The following AS3MT variants were observed in gnomAD, a reference collection of about 807,000 sequenced individuals.
The protein encoded by AS3MT is arsenite methyltransferase.
A neutral mutation model predicts 45.3 loss-of-function variants in AS3MT; 47 were observed. The ratio of observed to expected loss-of-function variants is 1.04; its 90% CI spans 0.82 to 1.32. The LOEUF (loss-of-function observed/expected upper bound fraction) is 1.32. Ranked by LOEUF, AS3MT falls within the 40% of genes most tolerant of loss-of-function variation. AS3MT has a pLI of 0.00. For missense variants in AS3MT, 396 were observed against 451.1 expected, an observed-to-expected ratio of 0.88 and a Z score of 1.11; for synonymous variants, 141 against 152.8, an observed-to-expected ratio of 0.92 and a Z score of 0.57.
intron 10 of AS3MT, among the ~76,000 whole-genome samples, chr10:102,897,860 G>C (rs939718174): frequency 6.6e-6 from 1 of 152,202 alleles, no homozygotes; most frequent in African/African-American, 2.4e-5. Flanking sequence ...CTCCCTCCCA[G>C]TGTGCGTGCA....
chr10:102,897,042 G>A (rs1409161889), intron 10 of AS3MT, among the ~76,000 whole-genome samples: 1 of 151,980 alleles, frequency 6.6e-6, no homozygotes, highest in Non-Finnish European at 1.5e-5. Context: ...ATTTTAAAAG[G>A]CTTTTATCAT....
intron 6 of AS3MT, among the ~76,000 whole-genome samples, chr10:102,876,602 A>C (rs771118709): frequency 2.0e-5 from 3 of 152,176 alleles, no homozygotes; most frequent in Non-Finnish European, 4.4e-5. Context: ...TTAAGAGATA[A>C]AAGATTATGA....
At chr10:102,879,902 A>G (rs962647360) in intron 9 of AS3MT, among the ~76,000 whole-genome samples, 11 of 151,978 alleles carry the variant, frequency 7.2e-5, no homozygotes, top group African/African-American at 2.7e-4. Flanking sequence ...GTGTATATAT[A>G]TATATATATT....
intron 9 of AS3MT, among the ~76,000 whole-genome samples, chr10:102,882,700 C>T (rs1322713401): frequency 3.3e-5 from 5 of 152,056 alleles, no homozygotes; most frequent in Non-Finnish European, 5.9e-5. Context: ...AGCCGATTCT[C>T]CTGCCTTAGC....
chr10:102,874,543 C>A, intron 5 of AS3MT, 49 bp from the exon 6 acceptor site: 1 of 1,359,576 alleles, frequency 7.4e-7, no homozygotes, highest in South Asian at 1.2e-5. Flanking sequence ...ATTTGCAGAT[C>A]TCTGAGTGTT....
chr10:102,888,851 CTATATATA>C lies in AS3MT; in HGVS notation c.886-1669_886-1662del, dbSNP rs553598133. Reference sequence around the variant, plus strand: ...TAGGTCTTATTTCTTTCATCAAACCCTATATATATATATATATATATATATATATATTT... The same window carrying C: ...TAGGTCTTATTTCTTTCATCAAACCCTATATATATATATATATATATATTT... On this transcript the variant is annotated intron_variant, in intron 9 of 10. Transcript: ENST00000369880. Among the ~76,000 whole-genome samples the C allele has an allele frequency of 4.1e-3, 378 of 91,658 alleles. 11 individuals carry two copies. The highest frequency in any genetic ancestry group is 0.011 in the East Asian group (33 of 3,020). The allele number at this position is 91,658 out of a possible 152,430, so 60.1% of individuals were successfully genotyped here. A position where few individuals can be genotyped will look rare whatever the true frequency, so the allele number is the denominator to read the frequency against.
At chr10:102,892,738 G>A (rs10883793) in intron 10 of AS3MT, among the ~76,000 whole-genome samples, 45,605 of 151,870 alleles carry the variant, frequency 0.3, 7,115 homozygotes, top group East Asian at 0.47. Flanking sequence ...CACTTTGGGA[G>A]GCCAAGGTGG....
At chr10:102,888,906 A>T in intron 9 of AS3MT, among the ~76,000 whole-genome samples, 1 of 89,792 alleles carries the variant, frequency 1.1e-5, no homozygotes, top group African/African-American at 4.5e-5. Flanking sequence ...TTTGAGACGG[A>T]GTCTCGCTCT....
At chr10:102,899,508 AG>A (rs897589791) in intron 10 of AS3MT, among the ~76,000 whole-genome samples, 6 of 152,306 alleles carry the variant, frequency 3.9e-5, no homozygotes, top group African/African-American at 1.4e-4. Context: ...GCAGGAAGTC[AG>A]TCACTTTAGT....
intron 10 of AS3MT, among the ~76,000 whole-genome samples, chr10:102,896,096 C>G (rs1845165569): frequency 6.6e-6 from 1 of 151,620 alleles, no homozygotes; most frequent in Admixed American, 6.6e-5. Flanking sequence ...CTTTGGGAGG[C>G]TGAGGCTGGC....
chr10:102,889,795 C>T (rs1475576574), intron 9 of AS3MT, among the ~76,000 whole-genome samples: 3 of 151,842 alleles, frequency 2.0e-5, no homozygotes, highest in African/African-American at 7.3e-5. Flanking sequence ...TCTGCCTCAG[C>T]CTCCCGAGTA....
intron 10 of AS3MT, among the ~76,000 whole-genome samples, chr10:102,892,846 G>A (rs1845094082): frequency 6.6e-6 from 1 of 151,902 alleles, no homozygotes; most frequent in South Asian, 2.1e-4. Flanking sequence ...TGGGCATGGT[G>A]GCGTGCGCCT....
At chr10:102,871,440 G>A (rs1844681492) in intron 3 of AS3MT, among the ~76,000 whole-genome samples, 1 of 151,296 alleles carries the variant, frequency 6.6e-6, no homozygotes, top group African/African-American at 2.4e-5. Context: ...CCGGCTGCTG[G>A]GGAGGCTGAG....
In AS3MT at chr10:102,881,369, T is replaced by C. The variant is rs1420220611; in HGVS notation, c.885+2378T>C. 6.6e-6 allele frequency among the ~76,000 whole-genome samples: 1 copy of C among 152,244 alleles called. No individual in the cohort carries two copies. The highest frequency in any genetic ancestry group is 1.5e-5 in the Non-Finnish European group (1 of 68,050). ...GATTACTGAATCCAGAACAAAATTA[T>C]GCTAAATCTCTCTGGTAATTAACTA... On this transcript the variant is annotated intron_variant, in intron 9 of 10. Transcript: ENST00000369880. This position sits in a 1 kb window ranked among gnomAD's most constrained non-coding sequence, Gnocchi z 4.2.
chr10:102,889,926 T>G (rs1186546275), intron 9 of AS3MT, among the ~76,000 whole-genome samples: 2 of 151,908 alleles, frequency 1.3e-5, no homozygotes, highest in African/African-American at 4.8e-5. Context: ...TCCACCTGCC[T>G]CAGCCTCCCA....
intron 6 of AS3MT, among the ~76,000 whole-genome samples, chr10:102,875,476 C>CA (rs35877885): frequency 0.29 from 11,182 of 39,140 alleles, 1,615 homozygotes; most frequent in East Asian, 0.45. Flanking sequence ...GACTCCATCT[C>CA]AAAAAAAAAA....
chr10:102,870,060 C>A, intron 2 of AS3MT, 24 bp from the exon 3 acceptor site: 2 of 1,612,770 alleles, frequency 1.2e-6, no homozygotes, highest in East Asian at 2.2e-5. Context: ...CTACCCCTCA[C>A]TCCACTGTGG....
intron 9 of AS3MT, among the ~76,000 whole-genome samples, chr10:102,890,244 G>A (rs1229582949): frequency 2.0e-5 from 3 of 151,388 alleles, no homozygotes; most frequent in Non-Finnish European, 2.9e-5. Flanking sequence ...CCTTGTGATC[G>A]GCCCACCTCG....
chr10:102,890,357 T>C (rs557145711), intron 9 of AS3MT, among the ~76,000 whole-genome samples, 187 bp from the exon 10 acceptor site: 2 of 152,238 alleles, frequency 1.3e-5, no homozygotes, highest in African/African-American at 4.8e-5. Context: ...ATAGTAGTTC[T>C]ATTTTTAATT....
Sources: allele counts gnomAD v4.1 joint callset (sites outside exome capture counted in the v4.1 genomes callset), GRCh38; gene constraint gnomAD v4.1.1; non-coding constraint Gnocchi (gnomAD v3.1); transcripts MANE v1.5; gene names NCBI Gene and HGNC (gene_info 2026-07-23, HGNC 2026-07-21).